UBE2E2: variants seen among roughly 807,000 people sequenced by gnomAD.
The protein encoded by UBE2E2 is ubiquitin conjugating enzyme E2 E2, also known as ubiquitin-conjugating enzyme E2 E2.
Under a neutral mutation model 24.7 loss-of-function variants are expected in UBE2E2, and 6 were observed. The observed-to-expected ratio is 0.24, with a 90% CI of 0.13 to 0.48. UBE2E2 has a LOEUF of 0.48. Among genes scored for constraint, UBE2E2 ranks in the 20% least tolerant of loss-of-function variants. UBE2E2 has a pLI of 0.99. For missense variants in UBE2E2, 169 were observed against 245.0 expected (o/e 0.69, Z 2.07); for synonymous variants, 104 against 83.6 (o/e 1.24, Z -1.33).
chr3:23,257,512 G>GGCCCCCCCCC (rs1697762836), intron 3 of UBE2E2, among the ~76,000 whole-genome samples: 1 of 31,148 alleles, frequency 3.2e-5, no homozygotes, highest in Non-Finnish European at 5.9e-5. Flanking sequence ...TGTTTCCCGT[G>GGCCCCCCCCC]CCCCCCCCCC....
intron 3 of UBE2E2, among the ~76,000 whole-genome samples, chr3:23,244,083 A>G (rs1182457531): frequency 6.6e-6 from 1 of 151,698 alleles, no homozygotes; most frequent in African/African-American, 2.4e-5. Flanking sequence ...TAGGAAGAAT[A>G]TCAATTAAGG....
At chr3:23,347,754 C>T (rs568162717) in intron 3 of UBE2E2, among the ~76,000 whole-genome samples, 7 of 151,824 alleles carry the variant, frequency 4.6e-5, no homozygotes, top group East Asian at 1.9e-4. Context: ...AAAAGGGGAC[C>T]CTTTTAATCT....
intron 3 of UBE2E2, among the ~76,000 whole-genome samples, chr3:23,388,314 C>G (rs1696852930): frequency 6.6e-6 from 1 of 152,162 alleles, no homozygotes; most frequent in South Asian, 2.1e-4. Context: ...AGGTGGAATT[C>G]TCACTGCTGG....
At chr3:23,483,556 G>A (rs537403618) in intron 3 of UBE2E2, among the ~76,000 whole-genome samples, 1 of 152,254 alleles carries the variant, frequency 6.6e-6, no homozygotes, top group South Asian at 2.1e-4. Context: ...ATTCTTATGT[G>A]GATTTTATTA....
Position 23,585,369 on chromosome 3 carries a change from T to TG in UBE2E2, c.509-4365_509-4364insG, listed in dbSNP as rs1696598943. 1.2e-4 allele frequency among the ~76,000 whole-genome samples: 8 copies of TG among 64,014 alleles called. No homozygotes were observed. In the East Asian group the frequency reaches 2.4e-3, roughly 19 times the overall value. 42.0% of individuals were successfully genotyped at this position (64,014 alleles called of 152,430 possible). A position where few individuals can be genotyped will look rare whatever the true frequency, so the allele number is the denominator to read the frequency against. ...CAGGGCAACAGAGTGAGACCCTGTC[T>TG]CAAAAAAAAAAAAAAAAAAAGACAT... On this transcript the variant is annotated intron_variant, in intron 5 of 5. Transcript: ENST00000396703.
At chr3:23,249,539 C>T (rs1378243507) in intron 3 of UBE2E2, among the ~76,000 whole-genome samples, 1 of 151,984 alleles carries the variant, frequency 6.6e-6, no homozygotes, top group South Asian at 2.1e-4. Context: ...TCAGGATAAA[C>T]GTAGTTAAAT....
chr3:23,350,085 C>T (rs1236418049), intron 3 of UBE2E2, among the ~76,000 whole-genome samples: 2 of 152,146 alleles, frequency 1.3e-5, no homozygotes, highest in African/African-American at 4.8e-5. Flanking sequence ...CACAAAAATC[C>T]GCTGTTCTGC....
chr3:23,253,315 G>A (rs1231480653), intron 3 of UBE2E2, among the ~76,000 whole-genome samples: 1 of 152,174 alleles, frequency 6.6e-6, no homozygotes, highest in African/African-American at 2.4e-5. Context: ...GACAGGCAGA[G>A]AATGACAAAC....
chr3:23,401,405 T>C (rs1043017696), intron 3 of UBE2E2, among the ~76,000 whole-genome samples: 2 of 152,216 alleles, frequency 1.3e-5, no homozygotes, highest in African/African-American at 4.8e-5. Context: ...TCACATTTGC[T>C]TAGGTTAGTG....
intron 5 of UBE2E2, among the ~76,000 whole-genome samples, chr3:23,587,291 C>T (rs942353770): frequency 1.3e-5 from 2 of 152,132 alleles, no homozygotes; most frequent in African/African-American, 2.4e-5. Flanking sequence ...ATTTTCCCAC[C>T]CCACAGCTTC....
chr3:23,517,194 T>C (rs1223801312), intron 4 of UBE2E2, among the ~76,000 whole-genome samples: 3 of 152,166 alleles, frequency 2.0e-5, no homozygotes, highest in African/African-American at 7.2e-5. Flanking sequence ...AATGTAGTGA[T>C]ATGTGCCATG....
At chr3:23,339,590 GTTTTC>G (rs979676320) in intron 3 of UBE2E2, among the ~76,000 whole-genome samples, 86 of 152,182 alleles carry the variant, frequency 5.7e-4, no homozygotes, top group African/African-American at 2.0e-3. Flanking sequence ...CTAGTTAAAT[GTTTTC>G]TTTAATTTAA....
intron 3 of UBE2E2, among the ~76,000 whole-genome samples, chr3:23,373,622 GAGATGCCTTGCTT>G (rs1441300022): frequency 6.6e-6 from 1 of 152,190 alleles, no homozygotes; most frequent in African/African-American, 2.4e-5. Context: ...CATTTCTCCA[GAGATGCCTTGCTT>G]AGGTGAATGG....
At chr3:23,513,158 T>C (rs1470811564) in intron 4 of UBE2E2, among the ~76,000 whole-genome samples, 2 of 152,208 alleles carry the variant, frequency 1.3e-5, no homozygotes, top group African/African-American at 4.8e-5. Context: ...TCTTTTTTCT[T>C]TTCTCTCTTC....
chr3:23,329,546 A>G (rs1455065746), intron 3 of UBE2E2, among the ~76,000 whole-genome samples: 1 of 152,186 alleles, frequency 6.6e-6, no homozygotes, highest in Non-Finnish European at 1.5e-5. Flanking sequence ...TTGATGAGAG[A>G]TTGTTAAATT....
At chr3:23,380,086 TA>T (rs10559253) in intron 3 of UBE2E2, among the ~76,000 whole-genome samples, 41,449 of 136,056 alleles carry the variant, frequency 0.3, 7,107 homozygotes, top group Admixed American at 0.45. Flanking sequence ...TTGATTACTG[TA>T]AAAAAAAAAA....
intron 5 of UBE2E2, among the ~76,000 whole-genome samples, chr3:23,533,142 T>C (rs1327572191): frequency 2.0e-5 from 3 of 152,110 alleles, no homozygotes; most frequent in Non-Finnish European, 4.4e-5. Flanking sequence ...TAACTGTGCA[T>C]CCTGACAAGC....
At chr3:23,246,505 G>A (rs1472649459) in intron 3 of UBE2E2, among the ~76,000 whole-genome samples, 1 of 150,754 alleles carries the variant, frequency 6.6e-6, no homozygotes, top group African/African-American at 2.4e-5. Flanking sequence ...AAAGTTCTGG[G>A]ATTACAGGCA....
At chr3:23,352,706 G>A (rs1056315155) in intron 3 of UBE2E2, among the ~76,000 whole-genome samples, 1 of 152,080 alleles carries the variant, frequency 6.6e-6, no homozygotes, top group African/African-American at 2.4e-5. Flanking sequence ...TCTCTGAATA[G>A]ACCAATAACA....
Sources: allele counts gnomAD v4.1 joint callset (sites outside exome capture counted in the v4.1 genomes callset), GRCh38; gene constraint gnomAD v4.1.1; transcripts MANE v1.5; gene names NCBI Gene and HGNC (gene_info 2026-07-23, HGNC 2026-07-21).